Variants in SLCO6A1 observed in about 807,000 individuals in gnomAD.
SLCO6A1 encodes the protein solute carrier organic anion transporter family member 6A1.
SLCO6A1 carries 65 observed loss-of-function variants against 72.7 expected under a neutral mutation model. That is an observed-to-expected ratio of 0.89 (90% CI 0.73 to 1.10). The LOEUF is 1.10. Among genes scored for constraint, SLCO6A1 ranks in the 50% least tolerant of loss-of-function variants. The pLI, the probability that SLCO6A1 is intolerant of heterozygous loss-of-function variation, is 0.00. For synonymous variants in SLCO6A1, 314 were observed against 298.2 expected, an observed-to-expected ratio of 1.05 and a Z score of -0.55; for missense variants, 874 against 872.6, an observed-to-expected ratio of 1.00 and a Z score of -0.02.
chr5:102,467,936 T>C (rs1751392842), intron 4 of SLCO6A1, among the ~76,000 whole-genome samples: 1 of 152,100 alleles, frequency 6.6e-6, no homozygotes, highest in South Asian at 2.1e-4. Flanking sequence ...GGTCTAATCA[T>C]GCTCTTTCAG....
intron 12 of SLCO6A1, among the ~76,000 whole-genome samples, chr5:102,386,849 C>T (rs551386012): frequency 6.6e-6 from 1 of 152,272 alleles, no homozygotes; most frequent in African/African-American, 2.4e-5. Context: ...GACTTGGTTT[C>T]GAGTCAATGG....
intron 12 of SLCO6A1, among the ~76,000 whole-genome samples, chr5:102,374,049 T>G (rs950395913): frequency 6.6e-6 from 1 of 151,828 alleles, no homozygotes; most frequent in African/African-American, 2.4e-5. Context: ...TTTTTTTTTT[T>G]TCTTTTGAGA....
At chr5:102,373,021 C>A (rs964665377) in intron 13 of SLCO6A1, among the ~76,000 whole-genome samples, 4 of 151,630 alleles carry the variant, frequency 2.6e-5, no homozygotes, top group African/African-American at 9.7e-5. Flanking sequence ...AAAAAGGGAA[C>A]CTAATTAATT....
intron 12 of SLCO6A1, among the ~76,000 whole-genome samples, chr5:102,375,948 A>T (rs550326371): frequency 6.6e-6 from 1 of 152,252 alleles, no homozygotes; most frequent in East Asian, 1.9e-4. Flanking sequence ...CATACACAAA[A>T]GAGGGAAAAA....
chr5:102,390,957 TAA>T (rs1304292649), intron 11 of SLCO6A1, 22 bp downstream of exon 11: 1 of 1,609,200 alleles, frequency 6.2e-7, no homozygotes. Flanking sequence ...TTTGATGTAA[TAA>T]GAGATTGCCA....
At chr5:102,471,561 T>G (rs1208174796) in intron 4 of SLCO6A1, among the ~76,000 whole-genome samples, 3 of 152,102 alleles carry the variant, frequency 2.0e-5, no homozygotes, top group African/African-American at 7.2e-5. Context: ...TAAAATTACT[T>G]TTGTCATTTG....
At chr5:102,379,353 G>C (rs1173399800) in intron 12 of SLCO6A1, among the ~76,000 whole-genome samples, 1 of 151,928 alleles carries the variant, frequency 6.6e-6, no homozygotes, top group African/African-American at 2.4e-5. Flanking sequence ...CCTACTCCAA[G>C]GTCATGAAAA....
At chr5:102,423,983 A>G (rs1403845064) in intron 7 of SLCO6A1, among the ~76,000 whole-genome samples, 5 of 152,198 alleles carry the variant, frequency 3.3e-5, no homozygotes, top group Non-Finnish European at 7.4e-5. Context: ...TCAAAACTGC[A>G]TAACTACATT....
chr5:102,436,728 G>C (rs2112673283), intron 7 of SLCO6A1, among the ~76,000 whole-genome samples: 1 of 152,252 alleles, frequency 6.6e-6, no homozygotes, highest in East Asian at 1.9e-4. Context: ...AACACCTGCT[G>C]TTGTATAACA....
intron 8 of SLCO6A1, among the ~76,000 whole-genome samples, chr5:102,414,746 A>G (rs1748180020): frequency 6.6e-6 from 1 of 151,836 alleles, no homozygotes; most frequent in Non-Finnish European, 1.5e-5. Flanking sequence ...ATGCAAAAAA[A>G]TAGCCAGGCG....
At chr5:102,422,732 C>T (rs1466734802) in intron 7 of SLCO6A1, among the ~76,000 whole-genome samples, 1 of 152,094 alleles carries the variant, frequency 6.6e-6, no homozygotes, top group Non-Finnish European at 1.5e-5. Flanking sequence ...CTTCCCCAAC[C>T]TAGCAAGACA....
In SLCO6A1 at chr5:102,480,243, C is replaced by A. The variant is rs780071380; in HGVS notation, c.550G>T (p.Gly184Ter). 1.1e-5 allele frequency: 17 copies of A among 1,612,674 alleles called. No homozygotes were observed. In the South Asian group the frequency reaches 1.8e-4, roughly 17 times the overall value. Residue 184 changes from glycine to a stop codon, truncating the protein, a stop_gained, in exon 2 of 14, where the codon GGA becomes TGA. Transcript: ENST00000506729. LOFTEE classifies it high-confidence loss of function. The stretch of plus-strand genomic sequence containing the variant: ...GATGGAAAAGCACATAAAAGTGATC[C>A]AAGTCCTATTAAAAAGGAGGAAGCT... Reference protein sequence around the residue: ...FVASSFLIGLGSLLCAFPSIN... With the variant: ...FVASSFLIGL
At chr5:102,377,900 T>C (rs1472605507) in intron 12 of SLCO6A1, among the ~76,000 whole-genome samples, 2 of 17,988 alleles carry the variant, frequency 1.1e-4, no homozygotes, top group African/African-American at 2.3e-4. Flanking sequence ...TCTTAAACTC[T>C]TTTTTTTTTT....
intron 4 of SLCO6A1, among the ~76,000 whole-genome samples, chr5:102,473,471 C>A (rs1751733223): frequency 6.6e-6 from 1 of 151,818 alleles, no homozygotes; most frequent in Admixed American, 6.6e-5. Flanking sequence ...GAAATTACAC[C>A]TCAATATAGT....
At chr5:102,387,943 A>AT (rs1478692635) in intron 12 of SLCO6A1, among the ~76,000 whole-genome samples, 1 of 151,606 alleles carries the variant, frequency 6.6e-6, no homozygotes, top group Non-Finnish European at 1.5e-5. Flanking sequence ...ACCACATCTC[A>AT]TACCACCACG....
At chr5:102,466,792 A>G (rs1269139282) in intron 4 of SLCO6A1, among the ~76,000 whole-genome samples, 1 of 152,120 alleles carries the variant, frequency 6.6e-6, no homozygotes, top group African/African-American at 2.4e-5. Flanking sequence ...CTTTTTTCAT[A>G]TGATTGTGGA....
intron 1 of SLCO6A1, among the ~76,000 whole-genome samples, chr5:102,491,913 A>G (rs966792121): frequency 5.3e-5 from 8 of 152,244 alleles, no homozygotes; most frequent in Non-Finnish European, 1.2e-4. Context: ...ACCTCTCAAC[A>G]GTTCTGCAGG....
intron 10 of SLCO6A1, among the ~76,000 whole-genome samples, chr5:102,392,859 C>G (rs1746842605): frequency 1.3e-5 from 2 of 151,812 alleles, no homozygotes; most frequent in South Asian, 4.1e-4. Flanking sequence ...CCATATCTTT[C>G]TTATAAGACA....
At chr5:102,460,293 A>G (rs1273132306) in intron 4 of SLCO6A1, among the ~76,000 whole-genome samples, 1 of 152,066 alleles carries the variant, frequency 6.6e-6, no homozygotes, top group Non-Finnish European at 1.5e-5. Context: ...TTTAGTGTGA[A>G]TGTATCCTTC....
Sources: gnomAD v4.1 joint callset for allele counts (sites outside exome capture counted in the v4.1 genomes callset) on GRCh38, gnomAD v4.1.1 for gene constraint, MANE v1.5 for transcripts, NCBI Gene and HGNC (gene_info 2026-07-23, HGNC 2026-07-21) for gene names.